Variants in BAIAP2 observed in about 807,000 individuals in gnomAD.
BAIAP2 encodes BAR/IMD domain-containing adapter protein 2.
In BAIAP2, 18 loss-of-function variants were observed where a neutral mutation model predicts 63.0. That is an observed-to-expected ratio of 0.29 (90% CI 0.20 to 0.42). The LOEUF is 0.42. Ranked by LOEUF, BAIAP2 falls within the 10% of genes least tolerant of loss-of-function variation. The pLI, the probability that BAIAP2 is intolerant of heterozygous loss-of-function variation, is 1.00. For missense variants in BAIAP2, 610 were observed against 734.3 expected, an observed-to-expected ratio of 0.83 and a Z score of 1.96; for synonymous variants, 386 against 307.6, an observed-to-expected ratio of 1.25 and a Z score of -2.67.
chr17:81,045,891 G>C (rs778370773), intron 1 of BAIAP2, among the ~76,000 whole-genome samples: 21 of 152,174 alleles, frequency 1.4e-4, no homozygotes, highest in Non-Finnish European at 1.2e-4. Context: ...GAAGGGTGGG[G>C]GACCAGCCCC....
At chr17:81,115,249 G>A (rs1050820057) in intron 13 of BAIAP2, among the ~76,000 whole-genome samples, 2 of 152,254 alleles carry the variant, frequency 1.3e-5, no homozygotes, top group African/African-American at 2.4e-5. Flanking sequence ...AGGGCCCATG[G>A]GTGTCCATCT....
chr17:81,115,398 G>A (rs576733159), intron 13 of BAIAP2, among the ~76,000 whole-genome samples: 91 of 152,232 alleles, frequency 6.0e-4, no homozygotes, highest in African/African-American at 1.6e-3. Flanking sequence ...GTGTGTGCCC[G>A]GTTCAGGCCT....
chr17:81,075,928 T>C (rs1248815654), intron 3 of BAIAP2, among the ~76,000 whole-genome samples: 1 of 145,238 alleles, frequency 6.9e-6, no homozygotes, highest in Non-Finnish European at 1.5e-5. Context: ...TTTTTGGGTC[T>C]GCTGGGAATT....
chr17:81,037,583 G>A (rs115554368), intron 1 of BAIAP2, among the ~76,000 whole-genome samples: 4,611 of 152,280 alleles, frequency 0.03, 98 homozygotes, highest in South Asian at 0.089. Flanking sequence ...CTCCTGGGCC[G>A]GTCCAGCCGG....
chr17:81,059,771 A>G (rs1011694480), intron 3 of BAIAP2, among the ~76,000 whole-genome samples: 1 of 152,288 alleles, frequency 6.6e-6, no homozygotes, highest in East Asian at 1.9e-4. Flanking sequence ...TTGTCTTACC[A>G]TAATTAACCA....
chr17:81,039,146 C>T (rs1047650192), intron 1 of BAIAP2, among the ~76,000 whole-genome samples: 11 of 152,226 alleles, frequency 7.2e-5, no homozygotes, highest in Non-Finnish European at 1.0e-4. Context: ...TACCCGCCCT[C>T]GCCACCGCCA....
At chr17:81,036,976 T>TG (rs1235797236) in intron 1 of BAIAP2, 1 of 1,533,376 alleles carries the variant, frequency 6.5e-7, no homozygotes, top group Non-Finnish European at 8.7e-7. Flanking sequence ...GTACATGGAG[T>TG]GGTTTTGCTC....
chr17:81,058,208 G>A (rs1386056787), intron 3 of BAIAP2, among the ~76,000 whole-genome samples: 2 of 152,170 alleles, frequency 1.3e-5, no homozygotes, highest in Admixed American at 6.5e-5. Flanking sequence ...GCAAACCCAC[G>A]TTTAAAAGTG....
chr17:81,086,592 A>C lies in BAIAP2; in HGVS notation c.489+12A>C, dbSNP rs886761949. The C allele has an allele frequency of 3.3e-5, 53 of 1,611,872 alleles. No homozygotes were observed. Among genetic ancestry groups the C allele is most frequent in the Non-Finnish European group, 4.3e-5 (51 of 1,179,812 alleles). On this transcript the variant is annotated intron_variant, in intron 6 of 13. Coordinates refer to ENST00000428708, the MANE Select transcript of BAIAP2 (RefSeq NM_001144888.2). ...ACAAGGAGCTGCAGGTAGGCCCGCC[A>C]CCCCCGCTGTGGTGCCTCTCCTGCC...
At chr17:81,067,997 G>T (rs529519395) in intron 3 of BAIAP2, among the ~76,000 whole-genome samples, 1 of 152,258 alleles carries the variant, frequency 6.6e-6, no homozygotes, top group Non-Finnish European at 1.5e-5. Context: ...AGTGTTGGCC[G>T]CAGGCCGAGG....
At chr17:81,083,642 A>G (rs2055025433) in intron 3 of BAIAP2, 2 of 152,016 alleles carry the variant, frequency 1.3e-5, no homozygotes, top group Admixed American at 6.6e-5. Flanking sequence ...GGCTCTGCTG[A>G]TGAGTATCAG....
At chr17:81,103,788 G>A (rs1439670724) in intron 8 of BAIAP2, 65 bp downstream of exon 8, 1 of 1,578,548 alleles carries the variant, frequency 6.3e-7, no homozygotes, top group Non-Finnish European at 8.6e-7. Context: ...TGTCAGGGCG[G>A]GGGGCCGCCA....
chr17:81,061,652 G>A (rs536312442), intron 3 of BAIAP2, among the ~76,000 whole-genome samples: 335 of 152,330 alleles, frequency 2.2e-3, no homozygotes, highest in African/African-American at 7.4e-3. Context: ...AGGTGCCACA[G>A]TTTGGCCGTA....
intron 1 of BAIAP2, among the ~76,000 whole-genome samples, chr17:81,042,337 G>A (rs1188666204): frequency 6.6e-6 from 1 of 151,090 alleles, no homozygotes; most frequent in East Asian, 1.9e-4. Context: ...TTAATTTTTG[G>A]TAGAGATGAG....
At chr17:81,091,284 G>A (rs2056722110) in intron 6 of BAIAP2, among the ~76,000 whole-genome samples, 1 of 150,678 alleles carries the variant, frequency 6.6e-6, no homozygotes, top group Non-Finnish European at 1.5e-5. Flanking sequence ...GGTTGTCAGC[G>A]AAGTCCTGCT....
chr17:81,049,653 C>T (rs6565532), intron 1 of BAIAP2, among the ~76,000 whole-genome samples: 99,020 of 152,132 alleles, frequency 0.65, 32,716 homozygotes, highest in African/African-American at 0.69. Context: ...AAAGCCACGT[C>T]GGTGTGGCTG....
Position 81,057,649 on chromosome 17 carries a change from G to C in BAIAP2, c.131-232G>C, listed in dbSNP as rs181257235. The C allele has an allele frequency of 2.6e-3, 3,471 of 1,326,122 alleles. 22 individuals are homozygous for C. The highest frequency in any genetic ancestry group is 2.3e-3 in the Non-Finnish European group (2,363 of 1,042,174). 82.1% of individuals were successfully genotyped at this position (1,326,122 alleles called of 1,614,324 possible). A position where few individuals can be genotyped will look rare whatever the true frequency, so the allele number is the denominator to read the frequency against. ...CTTGAATAGCTCAGGACCTGAACTG[G>C]TACGTTGTGTTCTTACGAGTCAAGG... is the stretch of plus-strand genomic sequence containing the variant. On this transcript the variant is annotated intron_variant, in intron 2 of 13. Transcript: ENST00000428708.
At chr17:81,098,134 G>T in intron 6 of BAIAP2, 1 of 1,454,050 alleles carries the variant, frequency 6.9e-7, no homozygotes, top group Non-Finnish European at 9.1e-7. Context: ...CTCCCAGAGG[G>T]ACAGAGGCAG....
intron 6 of BAIAP2, among the ~76,000 whole-genome samples, chr17:81,089,453 G>A (rs2056328125): frequency 6.6e-6 from 1 of 152,230 alleles, no homozygotes; most frequent in South Asian, 2.1e-4. Context: ...TGCCCCAGGG[G>A]CTGACTGAAC....
Sources: allele counts gnomAD v4.1 joint callset (sites outside exome capture counted in the v4.1 genomes callset), GRCh38; gene constraint gnomAD v4.1.1; transcripts MANE v1.5; gene names NCBI Gene and HGNC (gene_info 2026-07-23, HGNC 2026-07-21).